WBP2NL: variants seen among roughly 807,000 people sequenced by gnomAD.
WBP2NL encodes WBP2 N-terminal like, also known as postacrosomal sheath WW domain-binding protein.
Under a neutral mutation model 23.3 loss-of-function variants are expected in WBP2NL, and 27 were observed. That is an observed-to-expected ratio of 1.16 (90% confidence interval 0.85 to 1.60). WBP2NL has a LOEUF of 1.60. Among genes scored for constraint, WBP2NL ranks in the 40% most tolerant of loss-of-function variants. The pLI, the probability that WBP2NL is intolerant of heterozygous loss-of-function variation, is 0.00. For missense variants in WBP2NL, 370 were observed against 389.5 expected (o/e 0.95, Z 0.42); for synonymous variants, 151 against 145.9 (o/e 1.03, Z -0.25).
intron 8 of WBP2NL, among the ~76,000 whole-genome samples, chr22:42,042,325 T>C (rs1049302525): frequency 2.0e-5 from 3 of 152,208 alleles, no homozygotes; most frequent in Non-Finnish European, 4.4e-5. Flanking sequence ...GTCTCATAAA[T>C]CCTATAAGCT....
chr22:42,051,100 A>G (rs1352437539), intron 8 of WBP2NL, among the ~76,000 whole-genome samples: 2 of 152,250 alleles, frequency 1.3e-5, no homozygotes, highest in Non-Finnish European at 2.9e-5. Context: ...ATGTCCTTGA[A>G]TAGTTGAATG....
intron 8 of WBP2NL, among the ~76,000 whole-genome samples, chr22:42,048,755 C>CA (rs34128048): frequency 0.46 from 50,493 of 109,358 alleles, 11,686 homozygotes; most frequent in East Asian, 0.84. Flanking sequence ...GACTCGGTCT[C>CA]AAAAAAAAAA....
In WBP2NL at chr22:42,055,262, C is replaced by T. The variant is rs187990379; in HGVS notation, c.*274-3028C>T. The stretch of plus-strand genomic sequence containing the variant: ...CGCGATCTTGGCTCACTACAACCTC[C>T]GCCTCAGGGTTCAAGCGATTTTCCG... On this transcript the variant is annotated intron_variant and NMD_transcript_variant, in intron 8 of 8. Transcript: ENST00000436265. 1.6e-3 allele frequency among the ~76,000 whole-genome samples: 243 copies of T among 152,266 alleles called. 2 individuals are homozygous for T. The Middle Eastern group carries it at 0.024, about 15-fold the overall frequency.
chr22:42,038,782 T>G (rs1407463943), intron 8 of WBP2NL, among the ~76,000 whole-genome samples: 1 of 152,128 alleles, frequency 6.6e-6, no homozygotes, highest in Non-Finnish European at 1.5e-5. Context: ...TTTTGTACTT[T>G]TAGTAGAGAC....
chr22:42,049,700 CAAAACAAAAAAA>C (rs1461665801), intron 8 of WBP2NL, among the ~76,000 whole-genome samples: 438 of 36,478 alleles, frequency 0.012, 6 homozygotes, highest in African/African-American at 0.038. Flanking sequence ...CAAAACAAAA[CAAAACAAAAAAA>C]AAAAAAAAAA....
chr22:42,014,616 ATTTCTTAGACTTCGTTC>A (rs1923138742), intron 1 of WBP2NL, among the ~76,000 whole-genome samples: 2 of 151,658 alleles, frequency 1.3e-5, no homozygotes, highest in African/African-American at 4.9e-5. Flanking sequence ...TGTCCCACAG[ATTTCTTAGACTTCGTTC>A]ATTTTTTCTT....
chr22:42,050,033 C>T (rs1217088687), intron 8 of WBP2NL, among the ~76,000 whole-genome samples: 2 of 149,292 alleles, frequency 1.3e-5, no homozygotes, highest in African/African-American at 4.9e-5. Context: ...ATTCTGCCAT[C>T]TTTTATATCT....
intron 3 of WBP2NL, 81 bp from the exon 4 acceptor site, chr22:42,019,923 G>C: frequency 6.3e-7 from 1 of 1,591,510 alleles, no homozygotes; most frequent in Non-Finnish European, 8.6e-7. Flanking sequence ...GTCAGGTAGT[G>C]CTTCCCTTGG....
chr22:42,049,522 C>G (rs1925735878), intron 8 of WBP2NL, among the ~76,000 whole-genome samples: 1 of 151,736 alleles, frequency 6.6e-6, no homozygotes, highest in African/African-American at 2.4e-5. Flanking sequence ...AACCCCGTCT[C>G]TACTAAAAAT....
intron 1 of WBP2NL, among the ~76,000 whole-genome samples, chr22:42,013,094 C>T (rs952540662): frequency 2.7e-5 from 4 of 149,624 alleles, no homozygotes; most frequent in South Asian, 2.1e-4. Flanking sequence ...CGCTGCTGGC[C>T]GGGCGTGGTG....
intron 1 of WBP2NL, among the ~76,000 whole-genome samples, chr22:42,016,337 A>G (rs1197434966): frequency 6.6e-6 from 1 of 152,134 alleles, no homozygotes; most frequent in Non-Finnish European, 1.5e-5. Flanking sequence ...GAAAATTACA[A>G]ATTAAATACA....
intron 3 of WBP2NL, 69 bp downstream of exon 3, chr22:42,019,872 C>T: frequency 6.2e-7 from 1 of 1,602,072 alleles, no homozygotes; most frequent in Non-Finnish European, 8.5e-7. Flanking sequence ...AAGATTCAAA[C>T]TTGGCTCATG....
chr22:42,019,273 T>G lies in WBP2NL; in HGVS notation c.63-38T>G, dbSNP rs936901464. On this transcript the variant is annotated intron_variant, in intron 1 of 5. Transcript: ENST00000328823. ...CTTTATGTGTGTCATTTTACATACATTCTTTATTGTGTGCCGTCTGTTCCT... is the reference window on the plus strand; with the variant it reads ...CTTTATGTGTGTCATTTTACATACAGTCTTTATTGTGTGCCGTCTGTTCCT... 3.8e-6 allele frequency: 6 copies of G among 1,560,414 alleles called. No homozygotes were observed. In the African/African-American group the frequency reaches 4.1e-5, roughly 11 times the overall value.
At chr22:42,023,271 A>G (rs1924139337) in intron 5 of WBP2NL, among the ~76,000 whole-genome samples, 1 of 150,170 alleles carries the variant, frequency 6.7e-6, no homozygotes, top group Admixed American at 6.6e-5. Context: ...TGCAGCCTCG[A>G]CCCCCTGGGC....
chr22:42,000,362 C>T (rs1199525556), intron 1 of WBP2NL, among the ~76,000 whole-genome samples: 6 of 152,182 alleles, frequency 3.9e-5, no homozygotes, highest in African/African-American at 1.4e-4. Context: ...GTGGTGTCCC[C>T]GTGAGCACTT....
At chr22:42,054,715 TAAA>T (rs57938269) in intron 8 of WBP2NL, among the ~76,000 whole-genome samples, 1 of 139,170 alleles carries the variant, frequency 7.2e-6, no homozygotes. Context: ...AGTACCTTTG[TAAA>T]AAAAAAAAAA....
At chr22:42,057,903 T>TATA (rs1926144358) in intron 8 of WBP2NL, among the ~76,000 whole-genome samples, 2 of 20,430 alleles carry the variant, frequency 9.8e-5, no homozygotes, top group Admixed American at 9.0e-4. Flanking sequence ...ATATATATAT[T>TATA]TTTTTTTTTT....
At chr22:42,014,963 G>T (rs1923172559) in intron 1 of WBP2NL, among the ~76,000 whole-genome samples, 1 of 152,154 alleles carries the variant, frequency 6.6e-6, no homozygotes, top group Admixed American at 6.5e-5. Context: ...CAATGTATGG[G>T]CTTCCTCAGG....
rs754146594 is a variant in WBP2NL, at chr22:42,026,823, C to T, written c.572C>T (p.Ala191Val). The T allele has an allele frequency of 6.8e-6, 11 of 1,613,948 alleles. No homozygotes were observed. Among genetic ancestry groups the T allele is most frequent in the Non-Finnish European group, 9.3e-6 (11 of 1,179,926 alleles). The stretch of plus-strand genomic sequence containing the variant: ...GGAGCCCCACCTCCCGGATACGGAG[C>T]CCCACCTGCAGGATATGGAGCCCAA... Reference protein sequence around the residue: ...GYGAPPPGYGAPPAGYGAQPV... With the variant: ...GYGAPPPGYGVPPAGYGAQPV... The change falls in exon 6 of 6, where the codon GCC becomes GTC. Residue 191 changes from alanine (A) to valine (V), a missense_variant. By Grantham distance (64) the Ala-to-Val change is moderately conservative (BLOSUM62 0). Coordinates refer to ENST00000328823, the MANE Select transcript of WBP2NL (RefSeq NM_152613.3).
Sources: allele counts gnomAD v4.1 joint callset (sites outside exome capture counted in the v4.1 genomes callset), GRCh38; gene constraint gnomAD v4.1.1; transcripts MANE v1.5; gene names NCBI Gene and HGNC (gene_info 2026-07-23, HGNC 2026-07-21).